Variants in ZNF184 observed in about 807,000 individuals in gnomAD.
ZNF184 encodes the protein zinc finger protein 184.
ZNF184 carries 16 observed loss-of-function variants against 54.4 expected under a neutral mutation model. That is an observed-to-expected ratio of 0.29 (90% CI 0.20 to 0.45). The LOEUF is 0.45. Among genes scored for constraint, ZNF184 ranks in the 20% least tolerant of loss-of-function variants. The pLI is 1.00. For synonymous variants in ZNF184, 254 were observed against 295.3 expected, an observed-to-expected ratio of 0.86 and a Z score of 1.43; for missense variants, 681 against 888.2, an observed-to-expected ratio of 0.77 and a Z score of 2.97.
Position 27,451,125 on chromosome 6 carries a change from G to A in ZNF184, c.*178C>T, listed in dbSNP as rs1762702694. The A allele has an allele frequency of 1.6e-6, 1 of 606,184 alleles. No individual in the cohort carries two copies. Among genetic ancestry groups the A allele is most frequent in the Non-Finnish European group, 2.6e-6 (1 of 382,790 alleles). The allele number at this position is 606,184 out of a possible 1,614,324, so 37.6% of individuals were successfully genotyped here. A position where few individuals can be genotyped will look rare whatever the true frequency, so the allele number is the denominator to read the frequency against. ...AACAGTAGAGTTTTCTAATGTCACA[G>A]AGTGGCTTAATAACAATTGGATTAG... On this transcript the variant is annotated 3_prime_UTR_variant, in exon 6 of 6. Coordinates refer to ENST00000683788, the MANE Select transcript of ZNF184 (RefSeq NM_001318891.2).
the ZNF184 span, among the ~76,000 whole-genome samples, chr6:27,423,053 G>A: frequency 6.6e-6 from 1 of 152,212 alleles, no homozygotes; most frequent in Non-Finnish European, 1.5e-5. Context: ...GCCTCGGAGG[G>A]AGGCCTAGCA....
In ZNF184 at chr6:27,453,380, A is replaced by C; in HGVS notation, c.299-120T>G. 1 of 1,014,836 alleles carries C rather than the reference A, an allele frequency of 9.9e-7. No homozygotes were observed. The allele number at this position is 1,014,836 out of a possible 1,614,324, so 62.9% of individuals were successfully genotyped here. Reference sequence around the variant, plus strand: ...CAGAAAATTCTAATGGTTTTCAAATATATAGCCATATTATTTGGGGAGAAA... The same window carrying C: ...CAGAAAATTCTAATGGTTTTCAAATCTATAGCCATATTATTTGGGGAGAAA... On this transcript the variant is annotated intron_variant, in intron 5 of 5. Coordinates refer to ENST00000683788, the MANE Select transcript of ZNF184 (RefSeq NM_001318891.2). This position sits in a 1 kb window ranked among gnomAD's most constrained non-coding sequence, Gnocchi z 4.7.
chr6:27,453,087 G>T lies in ZNF184; in HGVS notation c.472C>A (p.Gln158Lys). ...ACCTTTATTTCCTTTGGCAGTGTCT[G>T]TTGGTTTGCCTGCTGTCTCTCTAAA... ...GSLERQQANQQTLPKEIKVTE... is the reference protein window; with the variant it reads ...GSLERQQANQKTLPKEIKVTE... The change falls in exon 6 of 6, where the codon CAG (glutamine) becomes AAG (lysine). Residue 158 changes from glutamine to lysine, a missense_variant. Gln to Lys is a moderately conservative substitution (Grantham distance 53). Coordinates refer to ENST00000683788, the MANE Select transcript of ZNF184 (RefSeq NM_001318891.2). This position sits in a 1 kb window ranked among gnomAD's most constrained non-coding sequence, Gnocchi z 4.7. 1 of 1,614,070 alleles carries T rather than the reference G, an allele frequency of 6.2e-7. No homozygotes were observed. Among genetic ancestry groups the T allele is most frequent in the Non-Finnish European group, 8.5e-7 (1 of 1,179,984 alleles).
At chr6:27,415,165 G>A in the ZNF184 span, among the ~76,000 whole-genome samples, 4 of 152,186 alleles carry the variant, frequency 2.6e-5, no homozygotes, top group East Asian at 7.7e-4. Flanking sequence ...GGGGCTGTTG[G>A]TGGGCTGAGC....
the ZNF184 span, among the ~76,000 whole-genome samples, chr6:27,422,151 AGAAAGAAAG>A: frequency 3.2e-3 from 291 of 89,624 alleles, 35 homozygotes; most frequent in African/African-American, 0.01. Context: ...AAAAAAAAAA[AGAAAGAAAG>A]AAAGAAAGAA....
chr6:27,410,990 A>T, the ZNF184 span, among the ~76,000 whole-genome samples: 5,434 of 152,312 alleles, frequency 0.036, 203 homozygotes, highest in African/African-American at 0.095. Context: ...AAGTGGACAG[A>T]TGAGGAAACT....
At chr6:27,428,834 G>A in the ZNF184 span, among the ~76,000 whole-genome samples, 1 of 152,158 alleles carries the variant, frequency 6.6e-6, no homozygotes, top group Admixed American at 6.5e-5. The surrounding 1 kb of genome is among the most constrained non-coding windows in gnomAD (Gnocchi z 4.1). Context: ...AAGTCTTCCT[G>A]TGGGAATATG....
the ZNF184 span, among the ~76,000 whole-genome samples, chr6:27,422,168 G>GAAAGAAAGAA: frequency 2.4e-5 from 1 of 41,894 alleles, no homozygotes; most frequent in Non-Finnish European, 5.6e-5. Context: ...AAGAAAGAAA[G>GAAAGAAAGAA]AAAGAAAGAA....
rs1431435043 is a variant in ZNF184, at chr6:27,467,913, G to A, written c.15C>T (p.Ser5=). 1 of 1,609,380 alleles carries A rather than the reference G, an allele frequency of 6.2e-7. No homozygotes were observed. Among genetic ancestry groups the A allele is most frequent in the Admixed American group, 1.7e-5 (1 of 59,308 alleles). Residue 5 remains serine, a synonymous_variant, in exon 3 of 6, where the codon TCC becomes TCT. Transcript: ENST00000683788. MEDL[S]SPDSTLLQGG... ...CTTGGAGAAGGGTGGAGTCTGGAGA[G>A]GACAGATCTAGGGGGAGAAGCAGGA...
Position 27,452,302 on chromosome 6 carries a change from T to G in ZNF184, c.1257A>C (p.Glu419Asp), listed in dbSNP as rs374527178. The G allele has an allele frequency of 6.2e-7, 1 of 1,613,892 alleles. No homozygotes were observed. The highest frequency in any genetic ancestry group is 8.5e-7 in the Non-Finnish European group (1 of 1,179,998). Reference sequence around the variant, plus strand: ...TGAAGGCTTTCCCACATTCATTGCATTCGTACGGTTTTTCACCAGTATGAA... The same window carrying G: ...TGAAGGCTTTCCCACATTCATTGCAGTCGTACGGTTTTTCACCAGTATGAA... ...HMIHTGEKPYECNECGKAFSQ... is the reference protein window; with the variant it reads ...HMIHTGEKPYDCNECGKAFSQ... The change falls in exon 6 of 6, where the codon GAA becomes GAC. Residue 419 changes from glutamate (E) to aspartate (D), a missense_variant. Transcript: ENST00000683788. This position sits in a 1 kb window ranked among gnomAD's most constrained non-coding sequence, Gnocchi z 5.5.
the ZNF184 span, among the ~76,000 whole-genome samples, chr6:27,422,148 A>AAAAAAAGAAGAAAGAAAGAAAG: frequency 2.3e-5 from 1 of 43,456 alleles, no homozygotes; most frequent in Non-Finnish European, 4.3e-5. Flanking sequence ...CTCAAAAAAA[A>AAAAAAAGAAGAAAGAAAGAAAG]AAAGAAAGAA....
At chr6:27,435,626 A>G in the ZNF184 span, among the ~76,000 whole-genome samples, 6 of 152,110 alleles carry the variant, frequency 3.9e-5, no homozygotes, top group Admixed American at 3.9e-4. Flanking sequence ...TGTGTAACTT[A>G]TCTTTCTTTT....
At chr6:27,445,721 C>CAAAAAA in the ZNF184 span, among the ~76,000 whole-genome samples, 32 of 129,238 alleles carry the variant, frequency 2.5e-4, 4 homozygotes, top group Non-Finnish European at 3.2e-4. Context: ...TCTGTTATAG[C>CAAAAAA]AAAAAAAAAA....
chr6:27,459,420 C>G (rs1762944464), intron 3 of ZNF184, among the ~76,000 whole-genome samples: 1 of 151,530 alleles, frequency 6.6e-6, no homozygotes, highest in Non-Finnish European at 1.5e-5. Flanking sequence ...ACAACAATAG[C>G]AACAATAAAG....
At chr6:27,440,941 C>T in the ZNF184 span, among the ~76,000 whole-genome samples, 1 of 151,928 alleles carries the variant, frequency 6.6e-6, no homozygotes, top group Non-Finnish European at 1.5e-5. Context: ...GGAGGCGGAG[C>T]TTGCAGTGAG....
the ZNF184 span, among the ~76,000 whole-genome samples, chr6:27,408,886 G>A: frequency 2.0e-5 from 3 of 152,162 alleles, no homozygotes; most frequent in Admixed American, 2.0e-4. Flanking sequence ...CCTAGCCTAA[G>A]TAGGAAGTGA....
At chr6:27,440,151 C>T in the ZNF184 span, among the ~76,000 whole-genome samples, 1 of 152,142 alleles carries the variant, frequency 6.6e-6, no homozygotes, top group Non-Finnish European at 1.5e-5. Context: ...TTTGGTAAAT[C>T]GATAAAGTGG....
chr6:27,455,063 G>C lies in ZNF184; in HGVS notation c.298+1763C>G, dbSNP rs1481986893. Among the ~76,000 whole-genome samples the C allele has an allele frequency of 2.0e-5, 3 of 152,044 alleles. No individual in the cohort carries two copies. The East Asian group carries it at 5.8e-4, about 29-fold the overall frequency. ...AGGGCTAGTGGCCAAACTCAACATA[G>C]GTACTGTCACAATATCACTAGCTGT... On this transcript the variant is annotated intron_variant, in intron 5 of 5. Transcript: ENST00000683788.
the ZNF184 span, among the ~76,000 whole-genome samples, chr6:27,425,247 G>A: frequency 6.6e-6 from 1 of 152,232 alleles, no homozygotes; most frequent in Non-Finnish European, 1.5e-5. Context: ...GCCGGCTCTG[G>A]CCTTTGCCAG....
Sources: gnomAD v4.1 joint callset for allele counts (sites outside exome capture counted in the v4.1 genomes callset) on GRCh38, gnomAD v4.1.1 for gene constraint, Gnocchi (gnomAD v3.1) non-coding constraint, MANE v1.5 for transcripts, NCBI Gene and HGNC (gene_info 2026-07-23, HGNC 2026-07-21) for gene names.